Variants in PLK4 observed in about 807,000 individuals in gnomAD.
PLK4 encodes the protein serine/threonine-protein kinase PLK4.
PLK4 carries 51 observed loss-of-function variants against 103.0 expected under a neutral mutation model. That is an observed-to-expected ratio of 0.50 (90% CI 0.40 to 0.63). PLK4 has a LOEUF of 0.63. PLK4 is among the 20% of genes least tolerant of loss of function. The pLI is 0.00. For synonymous variants in PLK4, 389 were observed against 376.8 expected (o/e 1.03, Z -0.38); for missense variants, 1,054 against 1,151.0 (o/e 0.92, Z 1.22).
Position 127,892,594 on chromosome 4 carries a change from AAC to A in PLK4, c.2188+84_2188+85del, listed in dbSNP as rs1349862722. ...ACGTATATGTGGGTTTTTAAAATTC[AAC>A]ACAGTCAGTTTTAAAGATGTGTATG... On this transcript the variant is annotated intron_variant, in intron 10 of 15. Transcript: ENST00000270861. 3.3e-5 allele frequency: 36 copies of A among 1,098,538 alleles called. No homozygotes were observed. The East Asian group carries it at 6.7e-4, about 21-fold the overall frequency. 68.0% of individuals were successfully genotyped at this position (1,098,538 alleles called of 1,614,324 possible).
chr4:127,895,874 G>A (rs757555741), intron 14 of PLK4, among the ~76,000 whole-genome samples: 1 of 152,076 alleles, frequency 6.6e-6, no homozygotes, highest in Admixed American at 6.6e-5. Context: ...GGCCAGCCTG[G>A]GCAACAAAGC....
intron 13 of PLK4, among the ~76,000 whole-genome samples, chr4:127,894,247 GT>G (rs1415340203): frequency 2.0e-5 from 3 of 148,354 alleles, no homozygotes; most frequent in Non-Finnish European, 4.5e-5. Flanking sequence ...TTTTTTTTTT[GT>G]TTTTTTGAGA....
intron 4 of PLK4, 36 bp downstream of exon 4, chr4:127,883,589 G>T (rs1320511678): frequency 1.1e-6 from 1 of 896,882 alleles, no homozygotes; most frequent in Non-Finnish European, 1.8e-6. Context: ...TTTTGTTTGG[G>T]TGGATAAAAG....
rs5861839 is a variant in PLK4 at position 127,882,995 on chromosome 4, A to AT, written c.127-258dup. Among the ~76,000 whole-genome samples, 12 of 151,712 alleles carry AT rather than the reference A, an allele frequency of 7.9e-5. No homozygotes were observed. The East Asian group carries it at 1.2e-3, about 15-fold the overall frequency. On this transcript the variant is annotated intron_variant, in intron 2 of 15. Coordinates refer to ENST00000270861, the MANE Select transcript of PLK4 (RefSeq NM_014264.5). ...TGCTCTAAAATTTGCCTGAATTGGG[A>AT]TTTTTTTTTCTTAATAGTTAGGCTA...
intron 12 of PLK4, 36 bp from the exon 13 acceptor site, chr4:127,893,698 G>C (rs755123281): frequency 2.5e-6 from 4 of 1,589,358 alleles, no homozygotes; most frequent in Non-Finnish European, 3.4e-6. Flanking sequence ...TAAATTGAAA[G>C]CTTCAAGGGA....
At chr4:127,893,143 T>G in intron 10 of PLK4, 142 bp from the exon 11 acceptor site, 1 of 496,870 alleles carries the variant, frequency 2.0e-6, no homozygotes, top group Non-Finnish European at 3.5e-6. Flanking sequence ...GCTTTGATAG[T>G]CTCATTTTAT....
In PLK4 at chr4:127,890,159, C is replaced by T. The variant is rs753915717; in HGVS notation, c.1753C>T (p.Arg585Cys). 36 of 1,613,562 alleles carry T rather than the reference C, an allele frequency of 2.2e-5. 1 individual carries two copies. The highest frequency in any genetic ancestry group is 9.9e-5 in the South Asian group (9 of 91,070). ...GGAGCCACCATGGGGTTATCAGAAT[C>T]GTACATTAAGAAGCATTACATCTCC... ...GMEPPWGYQN[R>C]TLRSITSPLV... Residue 585 changes from arginine to cysteine, a missense_variant, in exon 7 of 16, where the codon CGT (arginine) becomes TGT (cysteine). Physicochemically the swap from Arg to Cys is radical, Grantham distance 180 (BLOSUM62 -3). Transcript: ENST00000270861.
chr4:127,886,309 G>C lies in PLK4; in HGVS notation c.939G>C (p.Leu313Phe). 6.2e-7 allele frequency: 1 copy of C among 1,613,918 alleles called. No homozygotes were observed. ...GTTTATTTGACAAAAGAAGACTTTTGATTGGTCAGCCACTCCCAAATAAAA... is the reference window on the plus strand; with the variant it reads ...GTTTATTTGACAAAAGAAGACTTTTCATTGGTCAGCCACTCCCAAATAAAA... Reference protein sequence around the residue: ...SGSLFDKRRLLIGQPLPNKMT... With the variant: ...SGSLFDKRRLFIGQPLPNKMT... Residue 313 changes from leucine to phenylalanine, a missense_variant, in exon 5 of 16, where the codon TTG becomes TTC. Transcript: ENST00000270861.
chr4:127,895,194 T>G, intron 14 of PLK4, 101 bp downstream of exon 14: 1 of 812,160 alleles, frequency 1.2e-6, no homozygotes, highest in Non-Finnish European at 1.8e-6. Context: ...TGTAATGATA[T>G]CTTTTTACAA....
chr4:127,888,207 A>AAAAAAAAAC (rs1394747854), intron 6 of PLK4, among the ~76,000 whole-genome samples: 1 of 142,088 alleles, frequency 7.0e-6, no homozygotes, highest in Non-Finnish European at 1.5e-5. Context: ...AAAAAAAAAA[A>AAAAAAAAAC]AAAAAGCATT....
At position 127,893,381 on chromosome 4, in the gene PLK4, AAG is replaced by A; in HGVS notation, c.2288_2289del (p.Glu763GlyfsTer10). On this transcript the variant is annotated frameshift_variant, in exon 11 of 16. Coordinates refer to ENST00000270861, the MANE Select transcript of PLK4 (RefSeq NM_014264.5). LOFTEE classifies it high-confidence loss of function. ...AGTGAAAGTGAAGTTAATAGCTTGA[AAG>A]AGGAGATAAAAATGTATATGGACCA... 1.2e-6 allele frequency: 2 copies of A among 1,608,950 alleles called. No homozygotes were observed. Among genetic ancestry groups the A allele is most frequent in the Non-Finnish European group, 1.7e-6 (2 of 1,176,562 alleles).
intron 6 of PLK4, among the ~76,000 whole-genome samples, chr4:127,888,746 A>C (rs1735239681): frequency 6.6e-6 from 1 of 152,224 alleles, no homozygotes; most frequent in Non-Finnish European, 1.5e-5. Context: ...GGAAAAAAGA[A>C]TAAAAGAGAC....
chr4:127,898,423 C>A lies in PLK4; in HGVS notation c.2811-16C>A. The A allele has an allele frequency of 8.4e-7, 1 of 1,183,614 alleles. No homozygotes were observed. Among genetic ancestry groups the A allele is most frequent in the East Asian group, 2.4e-5 (1 of 42,196 alleles). The allele number at this position is 1,183,614 out of a possible 1,614,324, so 73.3% of individuals were successfully genotyped here. Reference sequence around the variant, plus strand: ...TTCAGTTACGATTTTGTCTTTTTTTCTTTTGCTTCACTTAGGTATGGAGAA... The same window carrying A: ...TTCAGTTACGATTTTGTCTTTTTTTATTTTGCTTCACTTAGGTATGGAGAA... On this transcript the variant is annotated splice_polypyrimidine_tract_variant and intron_variant, in intron 15 of 15. Coordinates refer to ENST00000270861, the MANE Select transcript of PLK4 (RefSeq NM_014264.5).
chr4:127,896,807 A>G lies in PLK4; in HGVS notation c.2710A>G (p.Ser904Gly). 6.3e-7 allele frequency: 1 copy of G among 1,596,022 alleles called. No homozygotes were observed. Among genetic ancestry groups the G allele is most frequent in the Non-Finnish European group, 8.6e-7 (1 of 1,167,084 alleles). ...ATGCTTATTATTTTTCTAGTTAACTAGTGGAGCTGTGTGGGTTCAGTTTAA... is the reference window on the plus strand; with the variant it reads ...ATGCTTATTATTTTTCTAGTTAACTGGTGGAGCTGTGTGGGTTCAGTTTAA... ...KNVGWATQLT[S>G]GAVWVQFNDG... Residue 904 changes from serine to glycine, a missense_variant, in exon 15 of 16, where the codon AGT (serine) becomes GGT (glycine). By Grantham distance (56) the Ser-to-Gly change is moderately conservative. Around this residue, in one of 4 missense-constraint regions of PLK4, gnomAD observed 167 missense variants for 200.7 expected, o/e 0.83. Coordinates refer to ENST00000270861, the MANE Select transcript of PLK4 (RefSeq NM_014264.5).
Position 127,895,153 on chromosome 4 carries a change from G to A in PLK4, c.2703+60G>A, listed in dbSNP as rs1735515317. On this transcript the variant is annotated intron_variant, in intron 14 of 15. Coordinates refer to ENST00000270861, the MANE Select transcript of PLK4 (RefSeq NM_014264.5). ...ATGAATTTCTTTTCATTTTCACACT[G>A]ATAAGACAATTACCAAAAAATACAA... is the stretch of plus-strand genomic sequence containing the variant. 6.0e-6 allele frequency: 7 copies of A among 1,169,580 alleles called. No individual in the cohort carries two copies. In the East Asian group the frequency reaches 1.9e-4, roughly 31 times the overall value. 72.5% of individuals were successfully genotyped at this position (1,169,580 alleles called of 1,614,324 possible).
intron 4 of PLK4, among the ~76,000 whole-genome samples, chr4:127,884,752 C>T (rs192773244): frequency 6.6e-6 from 1 of 152,224 alleles, no homozygotes; most frequent in East Asian, 1.9e-4. Context: ...TCCTGGCTGA[C>T]ATGGTGAAAC....
At chr4:127,889,347 A>C (rs374393145) in intron 6 of PLK4, among the ~76,000 whole-genome samples, 1 of 152,200 alleles carries the variant, frequency 6.6e-6, no homozygotes, top group Non-Finnish European at 1.5e-5. Context: ...GTGCAAGTAC[A>C]TGTGTAATAT....
Position 127,895,060 on chromosome 4 carries a change from T to C in PLK4, c.2670T>C (p.Ser890=), listed in dbSNP as rs1333943370. Residue 890 remains serine (S), a synonymous_variant, in exon 14 of 16, where the codon TCT becomes TCC. Transcript: ENST00000270861. ...CTAAATCAGCACAACTTTTGAAATC[T>C]GTTTTTGTGAAAAATGTTGGTTGGG... ...CLPKSAQLLK[S]VFVKNVGWAT... is the part of the protein sequence containing the mutation. 2 of 1,612,420 alleles carry C rather than the reference T, an allele frequency of 1.2e-6. No homozygotes were observed.
chr4:127,885,372 G>A (rs571657663), intron 4 of PLK4, among the ~76,000 whole-genome samples: 2 of 150,586 alleles, frequency 1.3e-5, no homozygotes, highest in South Asian at 2.1e-4. Context: ...CCAGCTACTC[G>A]GGAGGCTGAG....
Sources: allele counts gnomAD v4.1 joint callset (sites outside exome capture counted in the v4.1 genomes callset), GRCh38; gene constraint gnomAD v4.1.1; regional missense constraint gnomAD v4.1.1; transcripts MANE v1.5; gene names NCBI Gene and HGNC (gene_info 2026-07-23, HGNC 2026-07-21).